ACTR10: variants seen among roughly 807,000 people sequenced by gnomAD.
The protein encoded by ACTR10 is actin related protein 10.
Under a neutral mutation model 56.2 loss-of-function variants are expected in ACTR10, and 43 were observed. The ratio of observed to expected loss-of-function variants is 0.77; its 90% confidence interval spans 0.60 to 0.99. The LOEUF (loss-of-function observed/expected upper bound fraction) is 0.99, where lower values mean the gene tolerates loss of function less well. Ranked by LOEUF, ACTR10 falls within the 50% of genes least tolerant of loss-of-function variation. The probability of loss-of-function intolerance (pLI) is 0.00; values close to 1 mark genes in which losing one functional copy is unlikely to be tolerated. For synonymous variants in ACTR10, 170 were observed against 176.3 expected (o/e 0.96, Z 0.28); for missense variants, 466 against 507.8 (o/e 0.92, Z 0.79).
chr14:58,224,807 A>G (rs1290106394), intron 10 of ACTR10, among the ~76,000 whole-genome samples: 2 of 151,978 alleles, frequency 1.3e-5, no homozygotes, highest in Non-Finnish European at 2.9e-5. Flanking sequence ...CTGACCAACA[A>G]GGAGAAACCG....
intron 10 of ACTR10, among the ~76,000 whole-genome samples, chr14:58,226,828 G>A (rs751229777): frequency 1.1e-4 from 17 of 152,044 alleles, no homozygotes; most frequent in Non-Finnish European, 1.3e-4. Flanking sequence ...TCGAACTCCC[G>A]ACCTCAGGTG....
chr14:58,213,846 A>G (rs2140050328), intron 6 of ACTR10, 148 bp downstream of exon 6: 1 of 583,054 alleles, frequency 1.7e-6, no homozygotes, highest in South Asian at 2.9e-5. Context: ...GAGTATATTC[A>G]TTTTTTAAGA....
intron 8 of ACTR10, among the ~76,000 whole-genome samples, chr14:58,221,664 C>T (rs1178164035): frequency 1.3e-5 from 2 of 152,112 alleles, no homozygotes; most frequent in African/African-American, 2.4e-5. Flanking sequence ...TGATCTTGAA[C>T]TGGGATGCAG....
chr14:58,200,405 C>T (rs184552003), intron 1 of ACTR10, 111 bp downstream of exon 1: 583 of 815,102 alleles, frequency 7.2e-4, no homozygotes, highest in Admixed American at 3.1e-3. Context: ...CCGGGCCTCC[C>T]CTTTTCTTCA....
At position 58,215,274 on chromosome 14, in the gene ACTR10, C is replaced by T. The variant is rs1889106857; in HGVS notation, c.588C>T (p.Pro196=). Reference sequence around the variant, plus strand: ...GTGTTGCTAAAGAACAGAGCCTTCCCTCAGTGATGGGTAAATTCATTTTAA... The same window carrying T: ...GTGTTGCTAAAGAACAGAGCCTTCCTTCAGTGATGGGTAAATTCATTTTAA... ...DTSVAKEQSL[P]SVMGSVPEGV... The change falls in exon 7 of 13, where the codon CCC becomes CCT. Residue 196 remains proline, a synonymous_variant. Coordinates refer to ENST00000254286, the MANE Select transcript of ACTR10 (RefSeq NM_018477.3). 6.8e-6 allele frequency: 11 copies of T among 1,606,646 alleles called. No homozygotes were observed. Among genetic ancestry groups the T allele is most frequent in the South Asian group, 2.2e-5 (2 of 90,264 alleles).
chr14:58,202,674 A>G (rs571100546), intron 1 of ACTR10, among the ~76,000 whole-genome samples, 181 bp from the exon 2 acceptor site: 1 of 152,242 alleles, frequency 6.6e-6, no homozygotes, highest in South Asian at 2.1e-4. Context: ...TTAATACACA[A>G]GCATTAATAA....
At chr14:58,218,385 A>T (rs183078718) in intron 7 of ACTR10, among the ~76,000 whole-genome samples, 58 of 152,300 alleles carry the variant, frequency 3.8e-4, no homozygotes, top group African/African-American at 1.2e-3. Context: ...GTAAAATAAA[A>T]CTTCGAACAT....
intron 12 of ACTR10, among the ~76,000 whole-genome samples, chr14:58,233,605 C>T (rs542503646): frequency 3.3e-5 from 5 of 152,248 alleles, no homozygotes; most frequent in East Asian, 1.9e-4. Context: ...GTTAAGTTTT[C>T]GGGGAGTCAA....
At chr14:58,232,026 A>G in intron 11 of ACTR10, 40 bp from the exon 12 acceptor site, 1 of 1,353,002 alleles carries the variant, frequency 7.4e-7, no homozygotes, top group African/African-American at 1.5e-5. Flanking sequence ...TTATTTGTAC[A>G]GTTCAGAATA....
intron 1 of ACTR10, among the ~76,000 whole-genome samples, chr14:58,201,796 A>G (rs986311216): frequency 6.6e-6 from 1 of 152,222 alleles, no homozygotes; most frequent in Non-Finnish European, 1.5e-5. Context: ...ACTTGAGCCC[A>G]GTAGTTCAAG....
intron 2 of ACTR10, among the ~76,000 whole-genome samples, chr14:58,207,474 A>G (rs1888895461): frequency 6.8e-6 from 1 of 147,734 alleles, no homozygotes; most frequent in African/African-American, 2.5e-5. Flanking sequence ...ATAGGCACAC[A>G]CCACCACGCC....
chr14:58,218,238 GT>G (rs1417935024), intron 7 of ACTR10, among the ~76,000 whole-genome samples: 6 of 152,102 alleles, frequency 3.9e-5, no homozygotes, highest in African/African-American at 1.4e-4. Flanking sequence ...TAAATTGCAG[GT>G]TCTTACAGTC....
At chr14:58,207,899 T>C (rs748974119) in intron 2 of ACTR10, 37 bp from the exon 3 acceptor site, 4 of 1,188,120 alleles carry the variant, frequency 3.4e-6, no homozygotes, top group Admixed American at 2.9e-5. Context: ...GGTTATTTTA[T>C]TAATATAAAT....
intron 2 of ACTR10, among the ~76,000 whole-genome samples, chr14:58,203,986 T>C (rs1888793245): frequency 6.6e-6 from 1 of 152,174 alleles, no homozygotes; most frequent in African/African-American, 2.4e-5. Context: ...TGTGTAACTT[T>C]GTAATCAGAG....
At chr14:58,214,865 G>A (rs554418383) in intron 6 of ACTR10, among the ~76,000 whole-genome samples, 2 of 151,086 alleles carry the variant, frequency 1.3e-5, no homozygotes, top group African/African-American at 4.8e-5. Flanking sequence ...CAGCACTCTG[G>A]GAGGCCAAGG....
rs1345514417 is a variant in ACTR10 at position 58,207,918 on chromosome 14, C to T, written c.151-18C>T. On this transcript the variant is annotated intron_variant, in intron 2 of 12. Transcript: ENST00000254286. The stretch of plus-strand genomic sequence containing the variant: ...ATTTTATTAATATAAATTAATAAAT[C>T]ATTTTAATTTTTTACAGCCTGTCAG... 2 of 1,347,086 alleles carry T rather than the reference C, an allele frequency of 1.5e-6. No homozygotes were observed. Among genetic ancestry groups the T allele is most frequent in the African/African-American group, 1.5e-5 (1 of 65,258 alleles). 83.4% of individuals were successfully genotyped at this position (1,347,086 alleles called of 1,614,324 possible). A position where few individuals can be genotyped will look rare whatever the true frequency, so the allele number is the denominator to read the frequency against.
intron 10 of ACTR10, among the ~76,000 whole-genome samples, chr14:58,226,428 T>TA (rs34541151): frequency 0.018 from 2,348 of 132,266 alleles, 22 homozygotes; most frequent in African/African-American, 0.026. Flanking sequence ...CTATTTTCTT[T>TA]AAAAAAAAAA....
intron 2 of ACTR10, among the ~76,000 whole-genome samples, chr14:58,206,406 C>T (rs1388725598): frequency 6.6e-6 from 1 of 152,008 alleles, no homozygotes; most frequent in Non-Finnish European, 1.5e-5. Context: ...TGGTCTCAAA[C>T]TCCTGACCTC....
intron 7 of ACTR10, among the ~76,000 whole-genome samples, chr14:58,216,544 G>C (rs918895353): frequency 2.2e-4 from 34 of 152,278 alleles, no homozygotes; most frequent in African/African-American, 7.9e-4. Context: ...CAAAATCTGA[G>C]TTTGTTCTAC....
Sources: gnomAD v4.1 joint callset for allele counts (sites outside exome capture counted in the v4.1 genomes callset) on GRCh38, gnomAD v4.1.1 for gene constraint, MANE v1.5 for transcripts, NCBI Gene and HGNC (gene_info 2026-07-23, HGNC 2026-07-21) for gene names.